The following QPCT variants were observed in gnomAD, a reference collection of about 807,000 sequenced individuals.
QPCT encodes glutaminyl-peptide cyclotransferase.
A neutral mutation model predicts 43.4 loss-of-function variants in QPCT; 44 were observed. The observed-to-expected ratio is 1.01, with a 90% CI of 0.80 to 1.30. The LOEUF is 1.30. QPCT is among the 50% of genes most tolerant of loss of function. The pLI is 0.00. For missense variants in QPCT, 526 were observed against 436.5 expected (o/e 1.21, Z -1.83); for synonymous variants, 168 against 168.4 (o/e 1.00, Z 0.02).
chr2:37,347,231 C>CATATATATATAACATATAT (rs764663825), intron 1 of QPCT, among the ~76,000 whole-genome samples: 3,661 of 53,724 alleles, frequency 0.068, 235 homozygotes, highest in Non-Finnish European at 0.085. Context: ...ATATATATAA[C>CATATATATATAACATATAT]ATATATATAT....
intron 3 of QPCT, 123 bp downstream of exon 3, chr2:37,359,981 A>G: frequency 3.9e-6 from 4 of 1,029,062 alleles, no homozygotes; most frequent in Middle Eastern, 2.6e-4. Flanking sequence ...GTACATTTTT[A>G]TTATGAACAT....
intron 4 of QPCT, among the ~76,000 whole-genome samples, chr2:37,367,901 G>T (rs1672998811): frequency 6.6e-6 from 1 of 152,100 alleles, no homozygotes; most frequent in Non-Finnish European, 1.5e-5. Flanking sequence ...TTGCTGGTTA[G>T]AAGCCATGTT....
At chr2:37,365,760 C>A (rs1672946846) in intron 3 of QPCT, among the ~76,000 whole-genome samples, 1 of 152,088 alleles carries the variant, frequency 6.6e-6, no homozygotes. Flanking sequence ...AGAAAGAAAT[C>A]AAGGTCATCG....
chr2:37,371,279 G>A (rs911926221), intron 5 of QPCT, among the ~76,000 whole-genome samples: 2 of 151,660 alleles, frequency 1.3e-5, no homozygotes, highest in African/African-American at 4.8e-5. Context: ...ATGAACTTAT[G>A]CCAATAACTT....
At chr2:37,347,144 T>TTTATATATATA (rs1389307350) in intron 1 of QPCT, among the ~76,000 whole-genome samples, 1 of 55,346 alleles carries the variant, frequency 1.8e-5, no homozygotes, top group Admixed American at 3.3e-4. Flanking sequence ...ATGGGGTGTT[T>TTTATATATATA]TATATATATA....
At chr2:37,363,681 TAGAA>T (rs1229581252) in intron 3 of QPCT, among the ~76,000 whole-genome samples, 1 of 115,284 alleles carries the variant, frequency 8.7e-6, no homozygotes, top group Non-Finnish European at 1.9e-5. Flanking sequence ...AAAAAAAAAA[TAGAA>T]AGCAAAACAA....
intron 3 of QPCT, among the ~76,000 whole-genome samples, chr2:37,364,996 C>G (rs1186404037): frequency 7.3e-6 from 1 of 137,894 alleles, no homozygotes; most frequent in Non-Finnish European, 1.5e-5. Context: ...GGCTCCGCCT[C>G]TACAATATTA....
chr2:37,345,782 G>A (rs1672474554), intron 1 of QPCT, among the ~76,000 whole-genome samples: 1 of 147,304 alleles, frequency 6.8e-6, no homozygotes, highest in Admixed American at 7.0e-5. Context: ...CTTGCAGTAA[G>A]CCGAGATCGC....
At chr2:37,347,231 C>CATATATATATATAACATATAT (rs1672523179) in intron 1 of QPCT, among the ~76,000 whole-genome samples, 1 of 55,636 alleles carries the variant, frequency 1.8e-5, no homozygotes, top group Admixed American at 2.6e-4. Context: ...ATATATATAA[C>CATATATATATATAACATATAT]ATATATATAT....
intron 3 of QPCT, chr2:37,360,098 A>G (rs1572733791): frequency 2.0e-6 from 1 of 496,150 alleles, no homozygotes; most frequent in Non-Finnish European, 3.6e-6. Context: ...TTGAATGCAC[A>G]TTAAATTAAA....
intron 4 of QPCT, chr2:37,368,767 T>TATC (rs2124942602): frequency 2.2e-6 from 1 of 460,844 alleles, no homozygotes; most frequent in East Asian, 7.0e-5. Context: ...GTTATTTATT[T>TATC]ATCAGTCCAA....
chr2:37,369,920 G>C, intron 5 of QPCT, 136 bp downstream of exon 5: 1 of 756,576 alleles, frequency 1.3e-6, no homozygotes, highest in South Asian at 1.7e-5. Context: ...GGGAGGCCAA[G>C]GCAGGCAGAT....
chr2:37,366,599 T>C (rs1672967249), intron 3 of QPCT, among the ~76,000 whole-genome samples: 1 of 152,244 alleles, frequency 6.6e-6, no homozygotes, highest in Non-Finnish European at 1.5e-5. Flanking sequence ...CAGGTTGGAT[T>C]CCCCAAGAAG....
intron 3 of QPCT, among the ~76,000 whole-genome samples, chr2:37,362,228 A>G (rs887450269): frequency 1.3e-5 from 2 of 152,212 alleles, no homozygotes; most frequent in African/African-American, 4.8e-5. Flanking sequence ...TCTTGTCCCA[A>G]CCGGTCCCGT....
chr2:37,362,102 A>T (rs1255983457), intron 3 of QPCT, among the ~76,000 whole-genome samples: 1 of 152,222 alleles, frequency 6.6e-6, no homozygotes, highest in Non-Finnish European at 1.5e-5. Context: ...AAATCGTTGT[A>T]CTGATCATTG....
chr2:37,363,459 CAAAA>C (rs760030748), intron 3 of QPCT, among the ~76,000 whole-genome samples: 2 of 47,848 alleles, frequency 4.2e-5, no homozygotes, highest in Non-Finnish European at 1.1e-4. Flanking sequence ...TCCCTCTCTA[CAAAA>C]AAAAAAAAAA....
chr2:37,345,828 T>A (rs1205072209), intron 1 of QPCT, among the ~76,000 whole-genome samples: 4 of 117,412 alleles, frequency 3.4e-5, no homozygotes, highest in African/African-American at 9.9e-5. Flanking sequence ...ACAGCGAGAC[T>A]CCGTCTCAAA....
intron 3 of QPCT, among the ~76,000 whole-genome samples, chr2:37,362,038 A>T (rs1672865771): frequency 1.3e-5 from 2 of 152,248 alleles, no homozygotes; most frequent in African/African-American, 4.8e-5. Flanking sequence ...ATGAATGTCC[A>T]CAACAGTTTA....
At chr2:37,361,671 GC>G (rs1281024896) in intron 3 of QPCT, among the ~76,000 whole-genome samples, 1 of 152,198 alleles carries the variant, frequency 6.6e-6, no homozygotes, top group Non-Finnish European at 1.5e-5. Flanking sequence ...AGCTGCCCCA[GC>G]CAAACCCATT....
Sources: gnomAD v4.1 joint callset for allele counts (sites outside exome capture counted in the v4.1 genomes callset) on GRCh38, gnomAD v4.1.1 for gene constraint, MANE v1.5 for transcripts, NCBI Gene and HGNC (gene_info 2026-07-23, HGNC 2026-07-21) for gene names.